Variants in CNTLN observed in about 807,000 individuals in gnomAD.
The protein encoded by CNTLN is centlein, centrosomal protein.
A neutral mutation model predicts 180.0 loss-of-function variants in CNTLN; 212 were observed. The observed-to-expected ratio is 1.18, with a 90% confidence interval of 1.05 to 1.32. CNTLN has a LOEUF of 1.32. Among genes scored for constraint, CNTLN ranks in the 40% most tolerant of loss-of-function variants. The pLI, the probability that CNTLN is intolerant of heterozygous loss-of-function variation, is 0.00. For synonymous variants in CNTLN, 722 were observed against 563.1 expected (o/e 1.28, Z -3.99); for missense variants, 2,095 against 1,610.9 (o/e 1.30, Z -5.14).
In CNTLN at chr9:17,197,916, G is replaced by C. The variant is rs1822240476; in HGVS notation, c.450-28287G>C. Among the ~76,000 whole-genome samples, 5 of 152,088 alleles carry C rather than the reference G, an allele frequency of 3.3e-5. 1 individual carries two copies. In the South Asian group the frequency reaches 1.0e-3, roughly 32 times the overall value. ...CCATTGTGATTTGATTTTTGAGTATGGTGAGAAATGAGGGTCTAGTTTCAT... is the reference window on the plus strand; with the variant it reads ...CCATTGTGATTTGATTTTTGAGTATCGTGAGAAATGAGGGTCTAGTTTCAT... On this transcript the variant is annotated intron_variant, in intron 2 of 25. Transcript: ENST00000380647.
At chr9:17,478,511 T>A (rs773841271) in intron 23 of CNTLN, among the ~76,000 whole-genome samples, 1 of 152,112 alleles carries the variant, frequency 6.6e-6, no homozygotes, top group African/African-American at 2.4e-5. Context: ...TTAAAATGTT[T>A]TCTTGTAGGA....
the CNTLN span, among the ~76,000 whole-genome samples, chr9:17,519,203 C>T: frequency 6.6e-6 from 1 of 150,578 alleles, no homozygotes; most frequent in African/African-American, 2.4e-5. Context: ...GCTGGGATTA[C>T]CAGCGTGAAC....
At chr9:17,209,753 G>C (rs1823161311) in intron 2 of CNTLN, among the ~76,000 whole-genome samples, 3 of 152,126 alleles carry the variant, frequency 2.0e-5, no homozygotes, top group Admixed American at 2.0e-4. Context: ...AGATTCTTGA[G>C]CCACAACTAT....
intron 18 of CNTLN, among the ~76,000 whole-genome samples, chr9:17,425,392 C>T (rs1829011229): frequency 2.0e-5 from 3 of 152,156 alleles, no homozygotes; most frequent in Admixed American, 2.0e-4. Context: ...CTGGCATCTG[C>T]AAGCCAGGAA....
intron 23 of CNTLN, among the ~76,000 whole-genome samples, chr9:17,470,987 A>G (rs1324519756): frequency 1.3e-5 from 2 of 152,166 alleles, no homozygotes; most frequent in South Asian, 2.1e-4. Flanking sequence ...AGATTTATAA[A>G]CAGGTCTATG....
chr9:17,499,894 G>A (rs990484303), intron 25 of CNTLN, among the ~76,000 whole-genome samples: 1 of 152,030 alleles, frequency 6.6e-6, no homozygotes, highest in East Asian at 1.9e-4. Context: ...TGAGCACTGG[G>A]TTTAGAGGAA....
intron 12 of CNTLN, among the ~76,000 whole-genome samples, chr9:17,358,224 T>C (rs1411612221): frequency 6.6e-6 from 1 of 152,038 alleles, no homozygotes; most frequent in Non-Finnish European, 1.5e-5. Flanking sequence ...TCTAAATGTC[T>C]CTTAGTGATA....
At chr9:17,429,634 C>G (rs1829297764) in intron 18 of CNTLN, among the ~76,000 whole-genome samples, 1 of 151,784 alleles carries the variant, frequency 6.6e-6, no homozygotes, top group Admixed American at 6.6e-5. Flanking sequence ...GAATTATTAT[C>G]CTGTTTTTAT....
intron 13 of CNTLN, among the ~76,000 whole-genome samples, chr9:17,376,325 C>A (rs974687518): frequency 2.6e-5 from 4 of 151,936 alleles, no homozygotes; most frequent in Non-Finnish European, 5.9e-5. Flanking sequence ...TACATACTTA[C>A]ATTCGAGCAG....
intron 7 of CNTLN, among the ~76,000 whole-genome samples, chr9:17,307,003 A>C (rs1166132701): frequency 6.6e-6 from 1 of 152,126 alleles, no homozygotes; most frequent in Non-Finnish European, 1.5e-5. Context: ...AGCACAGTAC[A>C]AGTAGGCACG....
chr9:17,290,073 A>G (rs1167372732), intron 6 of CNTLN, among the ~76,000 whole-genome samples: 2 of 152,084 alleles, frequency 1.3e-5, no homozygotes, highest in African/African-American at 4.8e-5. Context: ...CCTTTGGAGG[A>G]GGAGAGGCGC....
At chr9:17,237,354 T>TAC (rs59168012) in intron 5 of CNTLN, among the ~76,000 whole-genome samples, 6,048 of 106,386 alleles carry the variant, frequency 0.057, 196 homozygotes, top group Admixed American at 0.11. Context: ...TATATGCCCC[T>TAC]ACACACACAC....
In CNTLN at chr9:17,298,353, GTA is replaced by G; in HGVS notation, c.1146+3_1146+4del. The G allele has an allele frequency of 6.2e-7, 1 of 1,607,960 alleles. No individual in the cohort carries two copies. The highest frequency in any genetic ancestry group is 8.5e-7 in the Non-Finnish European group (1 of 1,177,724). ...AGCTGAAAGTATATCATATCAAAAA[GTA>G]TGCTTTTATTCTGTAATAAAGATGT... On this transcript the variant is annotated splice_donor_variant and splice_donor_region_variant and intron_variant, in intron 7 of 25. Coordinates refer to ENST00000380647, the MANE Select transcript of CNTLN (RefSeq NM_017738.4). LOFTEE classifies it high-confidence loss of function.
rs9802526 is a variant in CNTLN at position 17,263,555 on chromosome 9, C to G, written c.850-10178C>G. 0.025 allele frequency among the ~76,000 whole-genome samples: 3,763 copies of G among 151,494 alleles called. 205 individuals carry two copies. The East Asian group carries it at 0.25, about 10-fold the overall frequency. On this transcript the variant is annotated intron_variant, in intron 5 of 25. Coordinates refer to ENST00000380647, the MANE Select transcript of CNTLN (RefSeq NM_017738.4). ...TGATTTATAATCCTTTGGGTGTATA[C>G]CCAGTAATGGGATGGCTGGGTCAAA...
At chr9:17,178,517 CG>C (rs983132882) in intron 2 of CNTLN, among the ~76,000 whole-genome samples, 1 of 151,864 alleles carries the variant, frequency 6.6e-6, no homozygotes, top group African/African-American at 2.4e-5. Flanking sequence ...AGGGCGGGGG[CG>C]GGGGGTGCAT....
intron 6 of CNTLN, among the ~76,000 whole-genome samples, chr9:17,286,549 AT>A (rs1412041234): frequency 2.1e-5 from 3 of 140,230 alleles, no homozygotes; most frequent in African/African-American, 8.7e-5. Flanking sequence ...GAGGAAAGTC[AT>A]TGGTAGCTTT....
intron 8 of CNTLN, among the ~76,000 whole-genome samples, chr9:17,309,475 A>G (rs1320362442): frequency 6.6e-6 from 1 of 152,134 alleles, no homozygotes; most frequent in Non-Finnish European, 1.5e-5. Flanking sequence ...GGTCTAGCAA[A>G]TATAGTTATC....
At chr9:17,346,395 G>A (rs1821899322) in intron 12 of CNTLN, among the ~76,000 whole-genome samples, 1 of 152,138 alleles carries the variant, frequency 6.6e-6, no homozygotes, top group African/African-American at 2.4e-5. Context: ...GTCTCTCCCT[G>A]AACACCTAGG....
chr9:17,455,547 C>T (rs1029020862), intron 18 of CNTLN, among the ~76,000 whole-genome samples: 2 of 152,038 alleles, frequency 1.3e-5, no homozygotes, highest in Non-Finnish European at 1.5e-5. Flanking sequence ...AATCTAGTGG[C>T]ATACAAGTAT....
Sources: gnomAD v4.1 joint callset for allele counts (sites outside exome capture counted in the v4.1 genomes callset) on GRCh38, gnomAD v4.1.1 for gene constraint, MANE v1.5 for transcripts, NCBI Gene and HGNC (gene_info 2026-07-23, HGNC 2026-07-21) for gene names.